The following DPP10 variants were observed in gnomAD, a reference collection of about 807,000 sequenced individuals.
The protein encoded by DPP10 is dipeptidyl peptidase like 10, also known as inactive dipeptidyl peptidase 10.
Under a neutral mutation model 120.9 loss-of-function variants are expected in DPP10, and 33 were observed. The observed-to-expected ratio is 0.27, with a 90% CI of 0.21 to 0.37. The LOEUF (loss-of-function observed/expected upper bound fraction) is 0.37. Ranked by LOEUF, DPP10 falls within the 10% of genes least tolerant of loss-of-function variation. DPP10 has a pLI of 1.00. For synonymous variants in DPP10, 337 were observed against 326.1 expected, an observed-to-expected ratio of 1.03 and a Z score of -0.36; for missense variants, 816 against 942.8, an observed-to-expected ratio of 0.87 and a Z score of 1.76.
At chr2:115,089,160 T>C (rs1709032078) in intron 1 of DPP10, among the ~76,000 whole-genome samples, 2 of 152,222 alleles carry the variant, frequency 1.3e-5, no homozygotes, top group South Asian at 4.1e-4. Flanking sequence ...TCTCAGTTCA[T>C]TCTCTTCTGC....
intron 1 of DPP10, among the ~76,000 whole-genome samples, chr2:115,102,449 CG>C (rs2048737862): frequency 6.6e-6 from 1 of 152,052 alleles, no homozygotes; most frequent in Non-Finnish European, 1.5e-5. Flanking sequence ...CTCACTCTGT[CG>C]CCCAGTCTGG....
chr2:115,184,664 TAAGAA>T (rs1242108102), intron 1 of DPP10, among the ~76,000 whole-genome samples: 1 of 152,208 alleles, frequency 6.6e-6, no homozygotes, highest in Non-Finnish European at 1.5e-5. Flanking sequence ...AAATGTTAGA[TAAGAA>T]AAGCAGCTGT....
At chr2:115,577,959 A>G (rs2081779893) in intron 5 of DPP10, among the ~76,000 whole-genome samples, 1 of 152,238 alleles carries the variant, frequency 6.6e-6, no homozygotes, top group Non-Finnish European at 1.5e-5. Context: ...AATTCAGCTC[A>G]TAACATTATT....
intron 1 of DPP10, among the ~76,000 whole-genome samples, chr2:115,013,818 A>G (rs1251929060): frequency 6.6e-6 from 1 of 152,166 alleles, no homozygotes; most frequent in Non-Finnish European, 1.5e-5. Flanking sequence ...TATACACCCC[A>G]TACTGGAGCA....
rs2075564191 is a variant in DPP10 at position 115,483,452 on chromosome 2, T to TATCC, written c.272-16055_272-16054insCATC. Reference sequence around the variant, plus strand: ...CTATCTGTCTGTCTATCTATCTATCTATCTATCTATCTATCTATCTATCTA... The same window carrying TATCC: ...CTATCTGTCTGTCTATCTATCTATCTATCCATCTATCTATCTATCTATCTATCTA... On this transcript the variant is annotated intron_variant, in intron 3 of 25. Transcript: ENST00000410059. Among the ~76,000 whole-genome samples, 3 of 79,884 alleles carry TATCC rather than the reference T, an allele frequency of 3.8e-5. No individual in the cohort carries two copies. In the Admixed American group the frequency reaches 4.9e-4, roughly 13 times the overall value. The allele number at this position is 79,884 out of a possible 152,430, so 52.4% of individuals were successfully genotyped here. A position where few individuals can be genotyped will look rare whatever the true frequency, so the allele number is the denominator to read the frequency against.
intron 19 of DPP10, among the ~76,000 whole-genome samples, chr2:115,793,299 T>A (rs1684193165): frequency 6.6e-6 from 1 of 152,140 alleles, no homozygotes; most frequent in African/African-American, 2.4e-5. Flanking sequence ...TGTTGCCTTA[T>A]AAATAAATTG....
rs1334304152 is a variant in DPP10, at chr2:115,739,704, TAC to T, written c.698-33_698-32del. ...TTGTGGGTCACTGAGCCCACATCTC[TAC>T]AGTTGGTCTCAAATAACACTCATTT... On this transcript the variant is annotated intron_variant, in intron 8 of 25. Transcript: ENST00000410059. 7.5e-6 allele frequency: 12 copies of T among 1,607,392 alleles called. No individual in the cohort carries two copies. In the African/African-American group the frequency reaches 1.6e-4, roughly 21 times the overall value.
intron 5 of DPP10, among the ~76,000 whole-genome samples, chr2:115,664,699 TTCTC>T (rs1285190215): frequency 6.6e-6 from 1 of 152,154 alleles, no homozygotes; most frequent in Non-Finnish European, 1.5e-5. Context: ...TCTTAATTGT[TTCTC>T]TCTTACCCCA....
At chr2:114,581,297 C>T (rs751970562) in intron 1 of DPP10, among the ~76,000 whole-genome samples, 1 of 150,112 alleles carries the variant, frequency 6.7e-6, no homozygotes, top group Non-Finnish European at 1.5e-5. Flanking sequence ...CATTCTCCTG[C>T]CTCAGCCTCC....
chr2:115,674,438 G>A (rs760487225), intron 5 of DPP10, among the ~76,000 whole-genome samples: 7 of 149,168 alleles, frequency 4.7e-5, no homozygotes, highest in Admixed American at 2.0e-4. Context: ...GCTGTAAATC[G>A]TATGTACTCT....
chr2:115,555,968 A>C (rs953590902), intron 5 of DPP10, among the ~76,000 whole-genome samples: 1 of 152,038 alleles, frequency 6.6e-6, no homozygotes, highest in Non-Finnish European at 1.5e-5. Context: ...AAATAGATTT[A>C]TTTCTGTGTG....
At chr2:114,543,260 C>T (rs1573611359) in intron 1 of DPP10, among the ~76,000 whole-genome samples, 1 of 152,308 alleles carries the variant, frequency 6.6e-6, no homozygotes, top group Middle Eastern at 3.4e-3. Context: ...GTTTGCTAAG[C>T]ACTGGCGACG....
chr2:115,432,288 C>G (rs192408333), intron 3 of DPP10, among the ~76,000 whole-genome samples: 1 of 152,120 alleles, frequency 6.6e-6, no homozygotes, highest in East Asian at 1.9e-4. Context: ...CTATTATGAG[C>G]TTGGCGAAAA....
intron 1 of DPP10, among the ~76,000 whole-genome samples, chr2:114,506,101 A>G (rs958603316): frequency 9.2e-5 from 14 of 152,248 alleles, no homozygotes; most frequent in Non-Finnish European, 2.9e-5. Flanking sequence ...CTGAAACCAC[A>G]GCCCAAAGTG....
chr2:114,510,990 G>T (rs1415682094), intron 1 of DPP10, among the ~76,000 whole-genome samples: 2 of 152,220 alleles, frequency 1.3e-5, no homozygotes, highest in Admixed American at 6.5e-5. Context: ...GACGCAAAAG[G>T]TATTACAGAC....
chr2:114,862,402 G>C (rs1268139598), intron 1 of DPP10, among the ~76,000 whole-genome samples: 3 of 152,082 alleles, frequency 2.0e-5, no homozygotes, highest in African/African-American at 7.2e-5. Context: ...GTGTGATCCA[G>C]TATTGGTGGC....
At chr2:114,971,690 A>G (rs1019441584) in intron 1 of DPP10, among the ~76,000 whole-genome samples, 5 of 152,190 alleles carry the variant, frequency 3.3e-5, no homozygotes, top group Non-Finnish European at 5.9e-5. Context: ...GAAACACAGG[A>G]AAAGGGGGGC....
chr2:114,588,189 A>C lies in DPP10; in HGVS notation c.60+145351A>C, dbSNP rs184791882. On this transcript the variant is annotated intron_variant, in intron 1 of 25. Transcript: ENST00000410059. ...AAGACCCATTTTTAAGAGAAAGCTG[A>C]GATCCTCAGAAAATAATTGGAGAGA... Among the ~76,000 whole-genome samples the C allele has an allele frequency of 1.7e-3, 252 of 152,374 alleles. 6 individuals carry two copies. The highest frequency in any genetic ancestry group is 1.8e-3 in the Non-Finnish European group (125 of 68,034).
intron 1 of DPP10, among the ~76,000 whole-genome samples, chr2:114,876,771 AC>A (rs1326699792): frequency 2.6e-5 from 4 of 151,996 alleles, no homozygotes; most frequent in Non-Finnish European, 5.9e-5. Flanking sequence ...TACCTTCTAC[AC>A]CAGGAATTCT....
Sources: gnomAD v4.1 joint callset for allele counts (sites outside exome capture counted in the v4.1 genomes callset) on GRCh38, gnomAD v4.1.1 for gene constraint, MANE v1.5 for transcripts, NCBI Gene and HGNC (gene_info 2026-07-23, HGNC 2026-07-21) for gene names.